Variants in PIEZO2 observed in about 807,000 individuals in gnomAD.
The protein encoded by PIEZO2 is piezo-type mechanosensitive ion channel component 2.
Under a neutral mutation model 337.3 loss-of-function variants are expected in PIEZO2, and 172 were observed. That is an observed-to-expected ratio of 0.51 (90% confidence interval 0.45 to 0.58). The LOEUF (loss-of-function observed/expected upper bound fraction) is 0.58, where lower values mean the gene tolerates loss of function less well. PIEZO2 is among the 20% of genes least tolerant of loss of function. PIEZO2 has a pLI of 0.00. For synonymous variants in PIEZO2, 1,251 were observed against 1,228.5 expected (o/e 1.02, Z -0.38); for missense variants, 3,028 against 3,391.3 (o/e 0.89, Z 2.66).
chr18:10,928,772 C>A (rs945238779), intron 3 of PIEZO2, among the ~76,000 whole-genome samples: 2 of 152,158 alleles, frequency 1.3e-5, no homozygotes, highest in African/African-American at 2.4e-5. Flanking sequence ...TTGGAGCATC[C>A]ATTTCTCCCC....
chr18:10,704,742 TG>T, intron 41 of PIEZO2, 90 bp from the exon 42 acceptor site: 1 of 1,424,112 alleles, frequency 7.0e-7, no homozygotes, highest in South Asian at 1.4e-5. Flanking sequence ...TGGAGTGCAA[TG>T]GCGTGATCTT....
rs1282814988 is a variant in PIEZO2, at chr18:10,859,765, C to T, written c.493-2554G>A. 3.9e-5 allele frequency among the ~76,000 whole-genome samples: 6 copies of T among 152,170 alleles called. No individual in the cohort carries two copies. The highest frequency in any genetic ancestry group is 5.9e-5 in the Non-Finnish European group (4 of 68,042). The stretch of plus-strand genomic sequence containing the variant: ...ATCAGACTTTGATCTTCAACCACTC[C>T]GTCTAATGAGAGGCACACATGATTT... On this transcript the variant is annotated intron_variant, in intron 5 of 55. Transcript: ENST00000674853. This position sits in a 1 kb window ranked among gnomAD's most constrained non-coding sequence, Gnocchi z 4.9.
intron 8 of PIEZO2, among the ~76,000 whole-genome samples, chr18:10,805,824 TG>T (rs991454263): frequency 7.7e-4 from 117 of 152,208 alleles, no homozygotes; most frequent in African/African-American, 2.7e-3. Context: ...GCCACTGAGA[TG>T]GGGGGGAGGT....
In PIEZO2 at chr18:10,693,481, T is replaced by G. The variant is rs541957132; in HGVS notation, c.7191-2098A>C. 1.3e-4 allele frequency among the ~76,000 whole-genome samples: 19 copies of G among 151,902 alleles called. 1 individual carries two copies. The South Asian group carries it at 3.5e-3, about 28-fold the overall frequency. ...GCCTCCAGGGTTCAAGCGATTCTCC[T>G]GCCTCAGCCTCCTGAGTAGCTGGGA... is the stretch of plus-strand genomic sequence containing the variant. On this transcript the variant is annotated intron_variant, in intron 47 of 55. Transcript: ENST00000674853.
chr18:10,719,081 G>A (rs1165752605), intron 36 of PIEZO2, among the ~76,000 whole-genome samples: 1 of 151,946 alleles, frequency 6.6e-6, no homozygotes, highest in Admixed American at 6.6e-5. Flanking sequence ...TGACATTATA[G>A]GATTTCATTT....
chr18:11,108,367 G>A (rs1177221841), intron 1 of PIEZO2, among the ~76,000 whole-genome samples: 4 of 152,132 alleles, frequency 2.6e-5, no homozygotes, highest in African/African-American at 7.2e-5. Context: ...TGTAATCCCA[G>A]CACTTTGGGA....
intron 1 of PIEZO2, among the ~76,000 whole-genome samples, chr18:11,090,473 T>C (rs2039042275): frequency 6.6e-6 from 1 of 152,200 alleles, no homozygotes; most frequent in Admixed American, 6.5e-5. Flanking sequence ...CAATACCCAC[T>C]GACCAGACTG....
chr18:10,937,785 C>T lies in PIEZO2; in HGVS notation c.287-26557G>A, dbSNP rs2032487745. Among the ~76,000 whole-genome samples, 4 of 152,214 alleles carry T rather than the reference C, an allele frequency of 2.6e-5. No individual in the cohort carries two copies. The South Asian group carries it at 6.2e-4, about 24-fold the overall frequency. ...CAGGATGTCCTAGGAGTCCTTTTCACAGCTTCTTCCCTGACATTTTGCTGA... is the reference window on the plus strand; with the variant it reads ...CAGGATGTCCTAGGAGTCCTTTTCATAGCTTCTTCCCTGACATTTTGCTGA... On this transcript the variant is annotated intron_variant, in intron 3 of 55. Coordinates refer to ENST00000674853, the MANE Select transcript of PIEZO2 (RefSeq NM_001378183.1).
chr18:10,806,839 A>G (rs1301491964), intron 8 of PIEZO2, among the ~76,000 whole-genome samples: 1 of 152,238 alleles, frequency 6.6e-6, no homozygotes, highest in Non-Finnish European at 1.5e-5. Flanking sequence ...ATGGCATATT[A>G]CAGTAAGTGA....
In PIEZO2 at chr18:10,699,026, A is replaced by G. The variant is rs1366489894; in HGVS notation, c.6593T>C (p.Val2198Ala). The G allele has an allele frequency of 3.9e-6, 6 of 1,537,054 alleles. No homozygotes were observed. Among genetic ancestry groups the G allele is most frequent in the Non-Finnish European group, 5.2e-6 (6 of 1,146,928 alleles). ...NLAASVESVH[V>A]TFPEQQTAVR... ...AGCTGTCTGCTGCTCCGGGAAGGTC[A>G]CATGCACTGACTCCACAGACGCGGC... Residue 2198 changes from valine to alanine, a missense_variant, in exon 44 of 56, where the codon GTG (valine) becomes GCG (alanine). Physicochemically the swap from Val to Ala is moderately conservative, Grantham distance 64. Around this residue, in one of 5 missense-constraint regions of PIEZO2, gnomAD observed 1,925 missense variants for 2,051.9 expected, o/e 0.94. Coordinates refer to ENST00000674853, the MANE Select transcript of PIEZO2 (RefSeq NM_001378183.1).
intron 3 of PIEZO2, among the ~76,000 whole-genome samples, chr18:10,963,837 T>G (rs1218070564): frequency 6.6e-6 from 1 of 152,214 alleles, no homozygotes; most frequent in Non-Finnish European, 1.5e-5. Flanking sequence ...AGACCTGTAT[T>G]TTCCACTTGA....
intron 3 of PIEZO2, among the ~76,000 whole-genome samples, chr18:10,955,258 G>A (rs2033467276): frequency 6.6e-6 from 1 of 152,160 alleles, no homozygotes; most frequent in South Asian, 2.1e-4. Context: ...TTGACAAAAA[G>A]GACTTTAGGA....
intron 3 of PIEZO2, among the ~76,000 whole-genome samples, chr18:10,944,488 CATATATATATATATATATCTT>C (rs2032902424): frequency 5.3e-5 from 7 of 132,888 alleles, no homozygotes; most frequent in South Asian, 2.5e-4. Flanking sequence ...ATCTTAGTAA[CATATATATATATATATATCTT>C]AGTAACAGAT....
At chr18:10,743,312 G>A (rs1247127261) in intron 31 of PIEZO2, among the ~76,000 whole-genome samples, 2 of 152,132 alleles carry the variant, frequency 1.3e-5, no homozygotes, top group Non-Finnish European at 2.9e-5. Context: ...CAAACTTACA[G>A]AACTTTCCCA....
At chr18:11,012,328 C>A (rs1568293795) in intron 2 of PIEZO2, among the ~76,000 whole-genome samples, 2 of 152,072 alleles carry the variant, frequency 1.3e-5, no homozygotes, top group Admixed American at 6.5e-5. Flanking sequence ...TAAAGGAATA[C>A]ATTTAAAATA....
At chr18:10,752,979 T>C (rs2037703133) in intron 27 of PIEZO2, 100 bp from the exon 28 acceptor site, 1 of 1,367,548 alleles carries the variant, frequency 7.3e-7, no homozygotes, top group African/African-American at 1.5e-5. Context: ...TGCTCTCTGC[T>C]GCACCTTGCA....
Position 10,707,092 on chromosome 18 carries a change from C to T in PIEZO2, c.5588+1183G>A, listed in dbSNP as rs1179488626. On this transcript the variant is annotated intron_variant, in intron 40 of 55. Transcript: ENST00000674853. This position sits in a 1 kb window ranked among gnomAD's most constrained non-coding sequence, Gnocchi z 4.2. ...CCAGGGCTGTGTCCTTGAGTGCGCA[C>T]ATCATGTACGGGCTGGTGAAATGCC... is the stretch of plus-strand genomic sequence containing the variant. Among the ~76,000 whole-genome samples, 4 of 152,266 alleles carry T rather than the reference C, an allele frequency of 2.6e-5. No homozygotes were observed. The highest frequency in any genetic ancestry group is 3.4e-3 in the Middle Eastern group (1 of 294).
rs1047204155 is a variant in PIEZO2 at position 10,767,610 on chromosome 18, T to C, written c.2946+2538A>G. Among the ~76,000 whole-genome samples the C allele has an allele frequency of 6.6e-6, 1 of 152,156 alleles. No individual in the cohort carries two copies. Among genetic ancestry groups the C allele is most frequent in the African/African-American group, 2.4e-5 (1 of 41,448 alleles). ...CCTGGAGCTTGGGCACTGGTACCCATGGGGCCAGAAGAGATGAAGAGCTCT... is the reference window on the plus strand; with the variant it reads ...CCTGGAGCTTGGGCACTGGTACCCACGGGGCCAGAAGAGATGAAGAGCTCT... On this transcript the variant is annotated intron_variant, in intron 21 of 55. Coordinates refer to ENST00000674853, the MANE Select transcript of PIEZO2 (RefSeq NM_001378183.1). This position sits in a 1 kb window ranked among gnomAD's most constrained non-coding sequence, Gnocchi z 4.2.
At chr18:10,785,046 A>T in intron 16 of PIEZO2, 89 bp from the exon 17 acceptor site, 1 of 1,353,584 alleles carries the variant, frequency 7.4e-7, no homozygotes, top group Non-Finnish European at 9.8e-7. Context: ...ACAGTCTTAC[A>T]CTCCTGTCAG....
Sources: gnomAD v4.1 joint callset for allele counts (sites outside exome capture counted in the v4.1 genomes callset) on GRCh38, gnomAD v4.1.1 for gene constraint, gnomAD v4.1.1 regional missense constraint, Gnocchi (gnomAD v3.1) non-coding constraint, MANE v1.5 for transcripts, NCBI Gene and HGNC (gene_info 2026-07-23, HGNC 2026-07-21) for gene names.